GOLGA2: variants seen among roughly 807,000 people sequenced by gnomAD.
GOLGA2 encodes the protein golgin A2.
A neutral mutation model predicts 148.8 loss-of-function variants in GOLGA2; 49 were observed. That is an observed-to-expected ratio of 0.33 (90% CI 0.26 to 0.42). GOLGA2 has a LOEUF of 0.42. GOLGA2 is among the 10% of genes least tolerant of loss of function. The pLI is 1.00. For missense variants in GOLGA2, 1,178 were observed against 1,304.6 expected (o/e 0.90, Z 1.49); for synonymous variants, 501 against 511.8 (o/e 0.98, Z 0.28).
In GOLGA2 at chr9:128,260,616, C is replaced by CGCTCCA; in HGVS notation, c.1601_1606dup (p.Leu534_Glu535dup). 2 of 1,611,344 alleles carry CGCTCCA rather than the reference C, an allele frequency of 1.2e-6. No homozygotes were observed. The highest frequency in any genetic ancestry group is 1.7e-6 in the Non-Finnish European group (2 of 1,179,966). ...CTGCTCCCCCCAGAGCTCGGCCGCCCGCTCCAGCTCCAGCAGCCTCTCCTC... is the reference window on the plus strand; with the variant it reads ...CTGCTCCCCCCAGAGCTCGGCCGCCCGCTCCAGCTCCAGCTCCAGCAGCCTCTCCTC... On this transcript the variant is annotated inframe_insertion, in exon 18 of 27. Transcript: ENST00000611957. This position sits in a 1 kb window ranked among gnomAD's most constrained non-coding sequence, Gnocchi z 4.8.
At chr9:128,269,068 G>A (rs1053811827) in intron 3 of GOLGA2, among the ~76,000 whole-genome samples, 7 of 151,616 alleles carry the variant, frequency 4.6e-5, no homozygotes, top group African/African-American at 1.7e-4. Flanking sequence ...CTCAAGCAAT[G>A]CTCCCACCTC....
rs1564366442 is a variant in GOLGA2 at position 128,265,851 on chromosome 9, A to G, written c.763T>C (p.Ser255Pro). ...GCTGTCTGTAACTCAGCTTTCTCTG[A>G]TACGAGGATCCCTATGGTCTGAATG... The part of the protein sequence containing the change: ...VHIQTIGILV[S>P]EKAELQTALA... Residue 255 changes from serine (S) to proline (P), a missense_variant, in exon 11 of 27, where the codon TCA (serine) becomes CCA (proline). Ser to Pro is a moderately conservative substitution (Grantham distance 74, BLOSUM62 -1). Transcript: ENST00000611957. 1 of 1,613,772 alleles carries G rather than the reference A, an allele frequency of 6.2e-7. No individual in the cohort carries two copies. Among genetic ancestry groups the G allele is most frequent in the Admixed American group, 1.7e-5 (1 of 60,028 alleles).
chr9:128,275,529 G>A (rs1165252213), intron 1 of GOLGA2: 9 of 1,293,798 alleles, frequency 7.0e-6, no homozygotes, highest in Non-Finnish European at 8.9e-6. Context: ...GGGGCCCCGG[G>A]AGTCACGGGC....
rs1830099826 is a variant in GOLGA2 at position 128,259,230 on chromosome 9, C to T, written c.2034G>A (p.Gln678=). ...LLQTQLVDQL[Q]QQEAQGKAVA... ...CCGCTTTGCCCTGAGCTTCCTGCTG[C>T]TGCAGCTGGTCCACGAGCTGGGTCT... The change falls in exon 20 of 27, where the codon CAG becomes CAA. Residue 678 remains glutamine (Q), a synonymous_variant. Coordinates refer to ENST00000611957, the MANE Select transcript of GOLGA2 (RefSeq NM_001366244.2). 6.3e-7 allele frequency: 1 copy of T among 1,595,044 alleles called. No homozygotes were observed. The highest frequency in any genetic ancestry group is 1.7e-5 in the Admixed American group (1 of 58,206).
rs1426939039 is a variant in GOLGA2, at chr9:128,261,261, T to C, written c.1333-2A>G. On this transcript the variant is annotated splice_acceptor_variant, in intron 16 of 26. Coordinates refer to ENST00000611957, the MANE Select transcript of GOLGA2 (RefSeq NM_001366244.2). LOFTEE classifies it high-confidence loss of function. This position sits in a 1 kb window ranked among gnomAD's most constrained non-coding sequence, Gnocchi z 5.7. The stretch of plus-strand genomic sequence containing the variant: ...CTTCTCCTCTCTCAATGTGTGCACC[T>C]GCCCAAAGCACAGCAAGAAAGGGCC... 1 of 1,610,098 alleles carries C rather than the reference T, an allele frequency of 6.2e-7. No homozygotes were observed.
In GOLGA2 at chr9:128,266,767, G is replaced by A; in HGVS notation, c.642+427C>T. ...ACATTCTAATGGGCCTTTAAATCTTGGACTCTCAGAGCTAAGAGACCTTTG... is the reference window on the plus strand; with the variant it reads ...ACATTCTAATGGGCCTTTAAATCTTAGACTCTCAGAGCTAAGAGACCTTTG... On this transcript the variant is annotated intron_variant, in intron 8 of 26. Transcript: ENST00000611957. This position sits in a 1 kb window ranked among gnomAD's most constrained non-coding sequence, Gnocchi z 4.2. 2.9e-6 allele frequency: 1 copy of A among 339,580 alleles called. No individual in the cohort carries two copies. The highest frequency in any genetic ancestry group is 6.9e-5 in the East Asian group (1 of 14,484). The allele number at this position is 339,580 out of a possible 1,614,324, so 21.0% of individuals were successfully genotyped here. A position where few individuals can be genotyped will look rare whatever the true frequency, so the allele number is the denominator to read the frequency against.
chr9:128,258,021 C>G lies in GOLGA2; in HGVS notation c.2467G>C (p.Glu823Gln). The change falls in exon 23 of 27, where the codon GAG becomes CAG. Residue 823 changes from glutamate to glutamine, a missense_variant. Coordinates refer to ENST00000611957, the MANE Select transcript of GOLGA2 (RefSeq NM_001366244.2). The surrounding 1 kb of genome is among the most constrained non-coding windows in gnomAD (Gnocchi z 6.6). ...PGTGGDSVCG[E>Q]THRALQGAME... ...GCCCCCTGCAGGGCCCGGTGGGTCT[C>G]CCCACACACAGAATCACCCCCGGTC... The G allele has an allele frequency of 4.3e-6, 7 of 1,611,784 alleles. No homozygotes were observed. Among genetic ancestry groups the G allele is most frequent in the Non-Finnish European group, 5.1e-6 (6 of 1,179,134 alleles).
intron 3 of GOLGA2, among the ~76,000 whole-genome samples, chr9:128,272,039 T>TAA: frequency 7.0e-6 from 1 of 143,212 alleles, no homozygotes; most frequent in Admixed American, 7.1e-5. Flanking sequence ...GTGAATTAAT[T>TAA]TAAAAAAAAA....
chr9:128,266,461 T>C lies in GOLGA2; in HGVS notation c.643-136A>G. On this transcript the variant is annotated intron_variant, in intron 8 of 26. Transcript: ENST00000611957. This position sits in a 1 kb window ranked among gnomAD's most constrained non-coding sequence, Gnocchi z 4.2. ...CAGACCCAATGGGAACACGAACTGG[T>C]AAACTCTCCTCAGGCTCTCAAGGAA... The C allele has an allele frequency of 1.4e-6, 1 of 720,378 alleles. No individual in the cohort carries two copies. The highest frequency in any genetic ancestry group is 2.4e-6 in the Non-Finnish European group (1 of 413,346). The allele number at this position is 720,378 out of a possible 1,614,324, so 44.6% of individuals were successfully genotyped here.
At chr9:128,269,280 A>AG (rs1289623711) in intron 3 of GOLGA2, among the ~76,000 whole-genome samples, 28 of 149,584 alleles carry the variant, frequency 1.9e-4, no homozygotes, top group African/African-American at 7.1e-4. Flanking sequence ...AGGCCTTTTC[A>AG]GGGGGAAAAA....
chr9:128,266,879 A>T lies in GOLGA2; in HGVS notation c.642+315T>A. 1 of 475,462 alleles carries T rather than the reference A, an allele frequency of 2.1e-6. No individual in the cohort carries two copies. The highest frequency in any genetic ancestry group is 3.8e-6 in the Non-Finnish European group (1 of 262,604). 29.5% of individuals were successfully genotyped at this position (475,462 alleles called of 1,614,324 possible). A position where few individuals can be genotyped will look rare whatever the true frequency, so the allele number is the denominator to read the frequency against. On this transcript the variant is annotated intron_variant, in intron 8 of 26. Coordinates refer to ENST00000611957, the MANE Select transcript of GOLGA2 (RefSeq NM_001366244.2). The surrounding 1 kb of genome is among the most constrained non-coding windows in gnomAD (Gnocchi z 4.2). ...AAATCAAAGAGCAAATTAAGGACTG[A>T]GTCAGGGCAGAAATACAGGGCTCCT...
In GOLGA2 at chr9:128,256,080, G is replaced by T. The variant is rs1382735183; in HGVS notation, c.*987C>A. The T allele has an allele frequency of 6.5e-6, 1 of 152,696 alleles. No homozygotes were observed. Among genetic ancestry groups the T allele is most frequent in the Non-Finnish European group, 1.5e-5 (1 of 68,084 alleles). The allele number at this position is 152,696 out of a possible 1,614,324, so 9.5% of individuals were successfully genotyped here. ...CAGATACAATATGTACACTGGGGAA[G>T]CAGGGCCACCCCAGCAGCCCGTGCC... On this transcript the variant is annotated 3_prime_UTR_variant, in exon 27 of 27. Coordinates refer to ENST00000611957, the MANE Select transcript of GOLGA2 (RefSeq NM_001366244.2).
Position 128,261,854 on chromosome 9 carries a change from C to T in GOLGA2, c.1135-97G>A. On this transcript the variant is annotated intron_variant, in intron 14 of 26. Coordinates refer to ENST00000611957, the MANE Select transcript of GOLGA2 (RefSeq NM_001366244.2). This position sits in a 1 kb window ranked among gnomAD's most constrained non-coding sequence, Gnocchi z 5.7. Reference sequence around the variant, plus strand: ...CTAGGGCTAGGCTCAATGTGCAACTCAGTCAATACAACTCTGCTGTCAAGT... The same window carrying T: ...CTAGGGCTAGGCTCAATGTGCAACTTAGTCAATACAACTCTGCTGTCAAGT... The T allele has an allele frequency of 1.4e-6, 1 of 727,218 alleles. No homozygotes were observed. The highest frequency in any genetic ancestry group is 2.5e-6 in the Non-Finnish European group (1 of 401,290). 45.0% of individuals were successfully genotyped at this position (727,218 alleles called of 1,614,324 possible).
rs771021976 is a variant in GOLGA2 at position 128,266,053 on chromosome 9, G to A, written c.682-33C>T. 1 of 1,583,586 alleles carries A rather than the reference G, an allele frequency of 6.3e-7. No individual in the cohort carries two copies. Among genetic ancestry groups the A allele is most frequent in the Non-Finnish European group, 8.7e-7 (1 of 1,152,122 alleles). On this transcript the variant is annotated intron_variant, in intron 9 of 26. Coordinates refer to ENST00000611957, the MANE Select transcript of GOLGA2 (RefSeq NM_001366244.2). This position sits in a 1 kb window ranked among gnomAD's most constrained non-coding sequence, Gnocchi z 4.2. ...AAGAGGAAGACAGAGCTCTTACGAG[G>A]GGGAGGCAGAGACGGCACAGCAAGG...
At position 128,258,245 on chromosome 9, in the gene GOLGA2, A is replaced by T. The variant is rs1236003827; in HGVS notation, c.2290-47T>A. 2 of 1,436,444 alleles carry T rather than the reference A, an allele frequency of 1.4e-6. No homozygotes were observed. Among genetic ancestry groups the T allele is most frequent in the African/African-American group, 2.8e-5 (2 of 71,342 alleles). 89.0% of individuals were successfully genotyped at this position (1,436,444 alleles called of 1,614,324 possible). Reference sequence around the variant, plus strand: ...TCTTGTAGGAGGATATATAGGATGAACAGGGCAGGGAGGTAGAGAGCAGCC... The same window carrying T: ...TCTTGTAGGAGGATATATAGGATGATCAGGGCAGGGAGGTAGAGAGCAGCC... On this transcript the variant is annotated intron_variant, in intron 22 of 26. Transcript: ENST00000611957. The surrounding 1 kb of genome is among the most constrained non-coding windows in gnomAD (Gnocchi z 6.6).
In GOLGA2 at chr9:128,268,477, C is replaced by G; in HGVS notation, c.336G>C (p.Val112=). The stretch of plus-strand genomic sequence containing the variant: ...CAGGGGAAGGGACACCGCCAGGTAA[C>G]ACGGTGTCATCAGATGGTTGTAGAG... ...AATLQPSDDT[V]LPGGVPSPGA... is the part of the protein sequence containing the mutation. The change falls in exon 4 of 27, where the codon GTG becomes GTC. Residue 112 remains valine, a synonymous_variant. Transcript: ENST00000611957. 6.2e-7 allele frequency: 1 copy of G among 1,612,238 alleles called. No individual in the cohort carries two copies. Among genetic ancestry groups the G allele is most frequent in the Non-Finnish European group, 8.5e-7 (1 of 1,178,940 alleles).
At position 128,258,515 on chromosome 9, in the gene GOLGA2, C is replaced by T. The variant is rs777042591; in HGVS notation, c.2229G>A (p.Ala743=). The T allele has an allele frequency of 4.0e-5, 63 of 1,587,368 alleles. 1 individual carries two copies. In the Middle Eastern group the frequency reaches 5.3e-3, roughly 132 times the overall value. The change falls in exon 22 of 27, where the codon GCG becomes GCA. Residue 743 remains alanine, a synonymous_variant. Transcript: ENST00000611957. This position sits in a 1 kb window ranked among gnomAD's most constrained non-coding sequence, Gnocchi z 6.6. ...EEDEEEEEEE[A]VAVPQPMPSI... is the part of the protein sequence containing the mutation. Reference sequence around the variant, plus strand: ...TTGGCATGGGCTGAGGTACTGCCACCGCCTCCTCCTCCTCCTCCTCCTCAT... The same window carrying T: ...TTGGCATGGGCTGAGGTACTGCCACTGCCTCCTCCTCCTCCTCCTCCTCAT...
In GOLGA2 at chr9:128,266,585, T is replaced by C. The variant is rs979400992; in HGVS notation, c.643-260A>G. On this transcript the variant is annotated intron_variant, in intron 8 of 26. Coordinates refer to ENST00000611957, the MANE Select transcript of GOLGA2 (RefSeq NM_001366244.2). This position sits in a 1 kb window ranked among gnomAD's most constrained non-coding sequence, Gnocchi z 4.2. ...GGACAGTAACATAAACCTCTAGAGATGGAGTGTGAGAAAAGCCCACCCTCT... is the reference window on the plus strand; with the variant it reads ...GGACAGTAACATAAACCTCTAGAGACGGAGTGTGAGAAAAGCCCACCCTCT... The C allele has an allele frequency of 3.6e-6, 2 of 561,734 alleles. No homozygotes were observed. The highest frequency in any genetic ancestry group is 3.8e-5 in the African/African-American group (2 of 52,914). The allele number at this position is 561,734 out of a possible 1,614,324, so 34.8% of individuals were successfully genotyped here. A position where few individuals can be genotyped will look rare whatever the true frequency, so the allele number is the denominator to read the frequency against.
chr9:128,265,946 C>A (rs376418841), intron 10 of GOLGA2, 24 bp downstream of exon 10: 1 of 1,609,084 alleles, frequency 6.2e-7, no homozygotes, highest in African/African-American at 1.3e-5. Flanking sequence ...GAGGACAGGA[C>A]GGAACTTCAC....
Sources: gnomAD v4.1 joint callset for allele counts (sites outside exome capture counted in the v4.1 genomes callset) on GRCh38, gnomAD v4.1.1 for gene constraint, Gnocchi (gnomAD v3.1) non-coding constraint, MANE v1.5 for transcripts, NCBI Gene and HGNC (gene_info 2026-07-23, HGNC 2026-07-21) for gene names.